Variants in ANO8 observed in about 807,000 individuals in gnomAD.
The protein encoded by ANO8 is anoctamin-8.
In ANO8, 67 loss-of-function variants were observed where a neutral mutation model predicts 120.4. That is an observed-to-expected ratio of 0.56 (90% CI 0.46 to 0.68). The LOEUF is 0.68. Among genes scored for constraint, ANO8 ranks in the 30% least tolerant of loss-of-function variants. The pLI is 0.00. For synonymous variants in ANO8, 727 were observed against 759.2 expected (o/e 0.96, Z 0.70); for missense variants, 1,526 against 1,737.6 (o/e 0.88, Z 2.16).
rs957574183 is a variant in ANO8 at position 17,327,097 on chromosome 19, G to A, written c.2661+138C>T. The A allele has an allele frequency of 6.2e-6, 5 of 810,542 alleles. No individual in the cohort carries two copies. In the African/African-American group the frequency reaches 6.9e-5, roughly 11 times the overall value. The allele number at this position is 810,542 out of a possible 1,614,324, so 50.2% of individuals were successfully genotyped here. On this transcript the variant is annotated intron_variant, in intron 16 of 17. Coordinates refer to ENST00000159087, the MANE Select transcript of ANO8 (RefSeq NM_020959.3). ...TCATAGGAGTGAGCCACTGCACCCA[G>A]CCAGGGAGCACTAATTATTATACCC...
At position 17,333,565 on chromosome 19, in the gene ANO8, G is replaced by A. The variant is rs763917623; in HGVS notation, c.218-11C>T. On this transcript the variant is annotated splice_polypyrimidine_tract_variant and intron_variant, in intron 2 of 17. Coordinates refer to ENST00000159087, the MANE Select transcript of ANO8 (RefSeq NM_020959.3). The surrounding 1 kb of genome is among the most constrained non-coding windows in gnomAD (Gnocchi z 7.2). ...GGTCATCGGTCGTGTCTGCCAAGGG[G>A]CACAGGGACCGATGGCTCCTGCCAC... The A allele has an allele frequency of 8.1e-6, 13 of 1,611,946 alleles. No individual in the cohort carries two copies. In the South Asian group the frequency reaches 1.4e-4, roughly 18 times the overall value.
chr19:17,334,740 G>T lies in ANO8; in HGVS notation c.-70C>A. 2.3e-6 allele frequency: 3 copies of T among 1,278,736 alleles called. No individual in the cohort carries two copies. The highest frequency in any genetic ancestry group is 3.2e-5 in the African/African-American group (2 of 63,186). 79.2% of individuals were successfully genotyped at this position (1,278,736 alleles called of 1,614,324 possible). ...GGGGAGCCGCGGGCTCATGGGGCCG[G>T]TGCAGCCGCGGAGCGCGCGGGAGGA... On this transcript the variant is annotated 5_prime_UTR_variant, in exon 1 of 18. Transcript: ENST00000159087.
chr19:17,331,440 C>T (rs372020198), intron 5 of ANO8, 29 bp from the exon 6 acceptor site: 58 of 1,598,698 alleles, frequency 3.6e-5, no homozygotes, highest in African/African-American at 3.5e-4. Flanking sequence ...AGGTGATCCC[C>T]GCCCCTCCAC....
rs2074350748 is a variant in ANO8 at position 17,334,758 on chromosome 19, C to T, written c.-88G>A. 1 of 1,226,598 alleles carries T rather than the reference C, an allele frequency of 8.2e-7. No homozygotes were observed. The highest frequency in any genetic ancestry group is 1.1e-6 in the Non-Finnish European group (1 of 940,940). The allele number at this position is 1,226,598 out of a possible 1,614,324, so 76.0% of individuals were successfully genotyped here. On this transcript the variant is annotated 5_prime_UTR_variant, in exon 1 of 18. Transcript: ENST00000159087. ...GGGGCCGGTGCAGCCGCGGAGCGCG[C>T]GGGAGGAGGAGACAAAGGCCGCGCC...
At chr19:17,326,327 C>T (rs527800294) in intron 16 of ANO8, among the ~76,000 whole-genome samples, 87 of 152,180 alleles carry the variant, frequency 5.7e-4, no homozygotes, top group African/African-American at 2.0e-3. Flanking sequence ...CATGGTGAAA[C>T]CCCATCTCTA....
chr19:17,327,769 T>C lies in ANO8; in HGVS notation c.2338A>G (p.Ile780Val). 1 of 1,614,146 alleles carries C rather than the reference T, an allele frequency of 6.2e-7. No individual in the cohort carries two copies. Among genetic ancestry groups the C allele is most frequent in the East Asian group, 2.2e-5 (1 of 44,888 alleles). Residue 780 changes from isoleucine (I) to valine (V), a missense_variant, in exon 14 of 18, where the codon ATC (isoleucine) becomes GTC (valine). By Grantham distance (29) the Ile-to-Val change is conservative (BLOSUM62 3). Coordinates refer to ENST00000159087, the MANE Select transcript of ANO8 (RefSeq NM_020959.3). ...CACAGCTTGAAGGCGTCGCTGCGGA[T>C]CTCAATGAGGTTGTTGACCAGGGCG... is the stretch of plus-strand genomic sequence containing the variant. ...LCALVNNLIE[I>V]RSDAFKLCTG...
In ANO8 at chr19:17,327,254, T is replaced by A. The variant is rs1162746158; in HGVS notation, c.2642A>T (p.Gln881Leu). ...CCCTACCTTAAAGGCCTCGCGGCGC[T>A]GGTACTCCAGCTTGGCCATTTCCTC... ...VAEEMAKLEY[Q>L]RREAFKRHER... The change falls in exon 16 of 18, where the codon CAG becomes CTG. Residue 881 changes from glutamine to leucine, a missense_variant. Transcript: ENST00000159087. The A allele has an allele frequency of 6.5e-7, 1 of 1,546,834 alleles. No individual in the cohort carries two copies. The highest frequency in any genetic ancestry group is 8.7e-7 in the Non-Finnish European group (1 of 1,145,080).
Position 17,328,622 on chromosome 19 carries a change from T to C in ANO8, c.1766A>G (p.Glu589Gly), listed in dbSNP as rs1903561923. ...GGKEEDEDDE[E>G]EEDEEEEEDE... Reference sequence around the variant, plus strand: ...CTCCTCTTCCTCCTCGTCCTCCTCCTCCTCGTCGTCCTCGTCCTCCTCCTT... The same window carrying C: ...CTCCTCTTCCTCCTCGTCCTCCTCCCCCTCGTCGTCCTCGTCCTCCTCCTT... Residue 589 changes from glutamate (E) to glycine (G), a missense_variant, in exon 13 of 18, where the codon GAG becomes GGG. Coordinates refer to ENST00000159087, the MANE Select transcript of ANO8 (RefSeq NM_020959.3). 3 of 1,532,266 alleles carry C rather than the reference T, an allele frequency of 2.0e-6. No individual in the cohort carries two copies. Among genetic ancestry groups the C allele is most frequent in the Non-Finnish European group, 2.6e-6 (3 of 1,137,620 alleles). 94.9% of individuals were successfully genotyped at this position (1,532,266 alleles called of 1,614,324 possible). A position where few individuals can be genotyped will look rare whatever the true frequency, so the allele number is the denominator to read the frequency against.
At position 17,333,889 on chromosome 19, in the gene ANO8, TC is replaced by T. The variant is rs1470835790; in HGVS notation, c.107-90del. The T allele has an allele frequency of 2.8e-6, 3 of 1,062,910 alleles. No homozygotes were observed. The highest frequency in any genetic ancestry group is 4.2e-6 in the Non-Finnish European group (3 of 711,464). The allele number at this position is 1,062,910 out of a possible 1,614,324, so 65.8% of individuals were successfully genotyped here. A position where few individuals can be genotyped will look rare whatever the true frequency, so the allele number is the denominator to read the frequency against. ...TGGCTCCTCCTGCCCCCGCCAGGGC[TC>T]CTCACCACTCCACCTGGCATTCAAG... On this transcript the variant is annotated intron_variant, in intron 1 of 17. Coordinates refer to ENST00000159087, the MANE Select transcript of ANO8 (RefSeq NM_020959.3). This position sits in a 1 kb window ranked among gnomAD's most constrained non-coding sequence, Gnocchi z 7.2.
intron 6 of ANO8, 29 bp from the exon 7 acceptor site, chr19:17,331,244 C>A (rs1933369450): frequency 3.1e-6 from 5 of 1,614,018 alleles, no homozygotes; most frequent in Non-Finnish European, 4.2e-6. Flanking sequence ...GTCTCAGTCA[C>A]CCCCTGCCTG....
In ANO8 at chr19:17,331,227, C is replaced by A. The variant is rs758020422; in HGVS notation, c.704-12G>T. 1 of 1,614,188 alleles carries A rather than the reference C, an allele frequency of 6.2e-7. No individual in the cohort carries two copies. Among genetic ancestry groups the A allele is most frequent in the Non-Finnish European group, 8.5e-7 (1 of 1,180,034 alleles). ...ATCACAGATGTCATCTGCCAGGGGA[C>A]AAGTGGGTCTCAGTCACCCCCTGCC... On this transcript the variant is annotated splice_polypyrimidine_tract_variant and intron_variant, in intron 6 of 17. Coordinates refer to ENST00000159087, the MANE Select transcript of ANO8 (RefSeq NM_020959.3).
Position 17,327,319 on chromosome 19 carries a change from G to T in ANO8, c.2577C>A (p.Leu859=), listed in dbSNP as rs780307970. The T allele has an allele frequency of 3.2e-6, 5 of 1,550,270 alleles. No individual in the cohort carries two copies. The highest frequency in any genetic ancestry group is 4.4e-6 in the Non-Finnish European group (5 of 1,146,822). ...LEHFALLLKY[L]IHVAIPDIPG... is the part of the protein sequence containing the mutation. ...GGATATCGGGGATGGCCACGTGGAT[G>T]AGGTACTTGAGGAGCAGAGCGAAGT... is the stretch of plus-strand genomic sequence containing the variant. The change falls in exon 16 of 18, where the codon CTC becomes CTA. Residue 859 remains leucine, a synonymous_variant. Coordinates refer to ENST00000159087, the MANE Select transcript of ANO8 (RefSeq NM_020959.3).
In ANO8 at chr19:17,331,179, A is replaced by C; in HGVS notation, c.740T>G (p.Met247Arg). Residue 247 changes from methionine (M) to arginine (R), a missense_variant, in exon 7 of 18, where the codon ATG (methionine) becomes AGG (arginine). This residue lies in a region of ANO8 where 322 missense variants were observed against 431.8 expected (regional missense o/e 0.75). Transcript: ENST00000159087. ...GTAGAAGCCCAGCCAGGCGAAGTAC[A>C]TGGCAATTTTCACACCAAAGTAATC... ...ICDYFGVKIA[M>R]YFAWLGFYTS... The C allele has an allele frequency of 6.2e-7, 1 of 1,614,192 alleles. No homozygotes were observed. Among genetic ancestry groups the C allele is most frequent in the Non-Finnish European group, 8.5e-7 (1 of 1,180,028 alleles).
In ANO8 at chr19:17,331,095, G is replaced by A; in HGVS notation, c.824C>T (p.Ala275Val). ...FGSVLYTFTE[A>V]DQTSRDVSCV... ...AGGGTCCCTGCCCAGTACCTGATCAGCCTCTGTGAATGTGTACAGGACAGA... is the reference window on the plus strand; with the variant it reads ...AGGGTCCCTGCCCAGTACCTGATCAACCTCTGTGAATGTGTACAGGACAGA... Residue 275 changes from alanine (A) to valine (V), a missense_variant, in exon 7 of 18, where the codon GCT becomes GTT. Ala to Val is a moderately conservative substitution (Grantham distance 64, BLOSUM62 0). This residue lies in a region of ANO8 where 322 missense variants were observed against 431.8 expected (regional missense o/e 0.75). Coordinates refer to ENST00000159087, the MANE Select transcript of ANO8 (RefSeq NM_020959.3). 1 of 1,614,214 alleles carries A rather than the reference G, an allele frequency of 6.2e-7. No individual in the cohort carries two copies. The highest frequency in any genetic ancestry group is 8.5e-7 in the Non-Finnish European group (1 of 1,180,038).
intron 5 of ANO8, among the ~76,000 whole-genome samples, chr19:17,331,765 C>G (rs1390173234): frequency 6.6e-6 from 1 of 151,196 alleles, no homozygotes; most frequent in Non-Finnish European, 1.5e-5. Flanking sequence ...TCCGGAGTAG[C>G]TGGGATTATA....
In ANO8 at chr19:17,328,603, T is replaced by C. The variant is rs2074292547; in HGVS notation, c.1785A>G (p.Glu595=). The C allele has an allele frequency of 1.3e-6, 2 of 1,541,450 alleles. No individual in the cohort carries two copies. The highest frequency in any genetic ancestry group is 1.7e-6 in the Non-Finnish European group (2 of 1,143,098). ...EDDEEEEDEE[E]EEDEEEGEEG... is the part of the protein sequence containing the mutation. Reference sequence around the variant, plus strand: ...CCTCGCCCTCCTCCTCGTCCTCCTCTTCCTCCTCGTCCTCCTCCTCCTCGT... The same window carrying C: ...CCTCGCCCTCCTCCTCGTCCTCCTCCTCCTCCTCGTCCTCCTCCTCCTCGT... The change falls in exon 13 of 18, where the codon GAA becomes GAG. Residue 595 remains glutamate, a synonymous_variant. Coordinates refer to ENST00000159087, the MANE Select transcript of ANO8 (RefSeq NM_020959.3).
rs768976940 is a variant in ANO8 at position 17,323,589 on chromosome 19, G to A, written c.3627C>T (p.Leu1209=). The change falls in exon 18 of 18, where the codon CTC becomes CTT. Residue 1209 remains leucine, a synonymous_variant. Transcript: ENST00000159087. Reference sequence around the variant, plus strand: ...GGCTAGGGGAGGGCGCTGGGGTCTCGAGGGGATCCGAGGTGGGCGGTAGCG... The same window carrying A: ...GGCTAGGGGAGGGCGCTGGGGTCTCAAGGGGATCCGAGGTGGGCGGTAGCG... ...PPPLPPTSDP[L]ETPAPSPSPS... is the part of the protein sequence containing the mutation. 2.4e-6 allele frequency: 3 copies of A among 1,273,808 alleles called. No individual in the cohort carries two copies. The East Asian group carries it at 8.5e-5, about 36-fold the overall frequency. The allele number at this position is 1,273,808 out of a possible 1,614,324, so 78.9% of individuals were successfully genotyped here.
intron 12 of ANO8, chr19:17,329,208 A>G: frequency 2.1e-6 from 1 of 472,746 alleles, no homozygotes. Flanking sequence ...CCTCACGGGC[A>G]GGCCCAGCGC....
At position 17,333,813 on chromosome 19, in the gene ANO8, G is replaced by A. The variant is rs372217953; in HGVS notation, c.107-13C>T. On this transcript the variant is annotated splice_polypyrimidine_tract_variant and intron_variant, in intron 1 of 17. Coordinates refer to ENST00000159087, the MANE Select transcript of ANO8 (RefSeq NM_020959.3). This position sits in a 1 kb window ranked among gnomAD's most constrained non-coding sequence, Gnocchi z 7.2. ...CCGAAAAGCTTATCTAGGGGGCGGC[G>A]TAGCAGGCCCGGGTCAGGCCACTCT... 2.5e-6 allele frequency: 4 copies of A among 1,569,964 alleles called. No individual in the cohort carries two copies. The highest frequency in any genetic ancestry group is 3.5e-6 in the Non-Finnish European group (4 of 1,158,414).
Sources: gnomAD v4.1 joint callset for allele counts (sites outside exome capture counted in the v4.1 genomes callset) on GRCh38, gnomAD v4.1.1 for gene constraint, gnomAD v4.1.1 regional missense constraint, Gnocchi (gnomAD v3.1) non-coding constraint, MANE v1.5 for transcripts, NCBI Gene and HGNC (gene_info 2026-07-23, HGNC 2026-07-21) for gene names.